Variants in CCN4 observed in about 807,000 individuals in gnomAD.
CCN4 encodes CCN family member 4.
Under a neutral mutation model 36.7 loss-of-function variants are expected in CCN4, and 30 were observed. The observed-to-expected ratio is 0.82, with a 90% CI of 0.61 to 1.11. CCN4 has a LOEUF of 1.11. Ranked by LOEUF, CCN4 falls within the 50% of genes least tolerant of loss-of-function variation. The pLI is 0.00. For synonymous variants in CCN4, 191 were observed against 195.4 expected (o/e 0.98, Z 0.19); for missense variants, 505 against 504.9 (o/e 1.00, Z 0.00).
chr8:133,217,485 C>T (rs1854361240), intron 2 of CCN4, among the ~76,000 whole-genome samples: 1 of 152,220 alleles, frequency 6.6e-6, no homozygotes, highest in African/African-American at 2.4e-5. Flanking sequence ...CAACTGTCTT[C>T]ACCATCTCGC....
chr8:133,227,399 C>A lies in CCN4; in HGVS notation c.805-12C>A. 6.3e-7 allele frequency: 1 copy of A among 1,599,700 alleles called. No homozygotes were observed. Among genetic ancestry groups the A allele is most frequent in the Non-Finnish European group, 8.5e-7 (1 of 1,172,012 alleles). On this transcript the variant is annotated splice_polypyrimidine_tract_variant and intron_variant, in intron 4 of 4. Transcript: ENST00000250160. Reference sequence around the variant, plus strand: ...GAGCACTCCCACTGAAAGCTCCTTTCCTTTCCTTCAGGCAGGGAAGAAGTG... The same window carrying A: ...GAGCACTCCCACTGAAAGCTCCTTTACTTTCCTTCAGGCAGGGAAGAAGTG...
chr8:133,215,978 T>C (rs886737071), intron 2 of CCN4, among the ~76,000 whole-genome samples: 12 of 145,206 alleles, frequency 8.3e-5, no homozygotes, highest in African/African-American at 3.0e-4. Context: ...TACCCACCCA[T>C]TACACTACAC....
chr8:133,209,671 C>G (rs1407472018), intron 1 of CCN4, among the ~76,000 whole-genome samples: 1 of 152,158 alleles, frequency 6.6e-6, no homozygotes, highest in South Asian at 2.1e-4. Context: ...AGTGGGATAC[C>G]CACCCGGTTC....
chr8:133,228,992 T>C lies in CCN4; in HGVS notation c.*1282T>C, dbSNP rs1281315451. 10 of 152,236 alleles carry C rather than the reference T, an allele frequency of 6.6e-5. No homozygotes were observed. The highest frequency in any genetic ancestry group is 2.4e-4 in the African/African-American group (10 of 41,458). The allele number at this position is 152,236 out of a possible 1,614,324, so 9.4% of individuals were successfully genotyped here. A position where few individuals can be genotyped will look rare whatever the true frequency, so the allele number is the denominator to read the frequency against. ...TTGTTAATGAATATCAGGCTATTAT[T>C]TATTGTATTAGGAAAATATAATATT... is the stretch of plus-strand genomic sequence containing the variant. On this transcript the variant is annotated 3_prime_UTR_variant, in exon 5 of 5. Transcript: ENST00000250160.
At chr8:133,206,701 A>G (rs1223880196) in intron 1 of CCN4, among the ~76,000 whole-genome samples, 2 of 152,098 alleles carry the variant, frequency 1.3e-5, no homozygotes, top group Non-Finnish European at 2.9e-5. Context: ...TGCTCAGGGG[A>G]TGAGCTGCCT....
At chr8:133,227,064 G>C (rs780059962) in intron 4 of CCN4, among the ~76,000 whole-genome samples, 5 of 152,196 alleles carry the variant, frequency 3.3e-5, no homozygotes, top group Non-Finnish European at 7.3e-5. Flanking sequence ...AGCTAGCCAG[G>C]GGAACTTGCT....
At chr8:133,201,335 A>G (rs1449679088) in intron 1 of CCN4, among the ~76,000 whole-genome samples, 2 of 152,224 alleles carry the variant, frequency 1.3e-5, no homozygotes, top group Non-Finnish European at 2.9e-5. Context: ...TGATTCAAAG[A>G]AACCATCTGT....
chr8:133,225,663 G>A (rs1163788428), intron 4 of CCN4, 80 bp downstream of exon 4: 10 of 1,361,324 alleles, frequency 7.3e-6, no homozygotes, highest in East Asian at 2.5e-5. Context: ...GAACTTCCTC[G>A]TGGGGAGCAT....
intron 1 of CCN4, among the ~76,000 whole-genome samples, chr8:133,200,754 G>C (rs1853559947): frequency 6.6e-6 from 1 of 152,132 alleles, no homozygotes; most frequent in African/African-American, 2.4e-5. Context: ...ACTGACTTCA[G>C]GAAAGACCAC....
rs545879099 is a variant in CCN4, at chr8:133,227,851, A to G, written c.*141A>G. The G allele has an allele frequency of 2.3e-6, 2 of 883,862 alleles. No individual in the cohort carries two copies. Among genetic ancestry groups the G allele is most frequent in the African/African-American group, 1.7e-5 (1 of 59,156 alleles). The allele number at this position is 883,862 out of a possible 1,614,324, so 54.8% of individuals were successfully genotyped here. ...TCCATTTCTGTCTCTAACCATTCAAATGACGCCTGATGGTGCTGCTCAGGC... is the reference window on the plus strand; with the variant it reads ...TCCATTTCTGTCTCTAACCATTCAAGTGACGCCTGATGGTGCTGCTCAGGC... On this transcript the variant is annotated 3_prime_UTR_variant, in exon 5 of 5. Transcript: ENST00000250160.
chr8:133,220,748 G>C lies in CCN4; in HGVS notation c.517G>C (p.Val173Leu). The change falls in exon 3 of 5, where the codon GTG (valine) becomes CTG (leucine). Residue 173 changes from valine to leucine, a missense_variant. Coordinates refer to ENST00000250160, the MANE Select transcript of CCN4 (RefSeq NM_003882.4). ...TCTCTGGTGCCCCCACCCGCGGCGC[G>C]TGAGCATACCTGGCCACTGCTGTGA... ...PRLWCPHPRR[V>L]SIPGHCCEQW... 6.2e-7 allele frequency: 1 copy of C among 1,613,500 alleles called. No homozygotes were observed. Among genetic ancestry groups the C allele is most frequent in the Non-Finnish European group, 8.5e-7 (1 of 1,179,970 alleles).
chr8:133,212,825 T>A (rs10089461), intron 1 of CCN4, 39 bp from the exon 2 acceptor site: 1 of 1,468,364 alleles, frequency 6.8e-7, no homozygotes, highest in Non-Finnish European at 9.2e-7. Flanking sequence ...GAAACCCCTG[T>A]CTCAGCAGCC....
In CCN4 at chr8:133,202,214, C is replaced by T. The variant is rs552460973; in HGVS notation, c.70-10650C>T. Among the ~76,000 whole-genome samples the T allele has an allele frequency of 3.3e-5, 5 of 152,266 alleles. No homozygotes were observed. The South Asian group carries it at 8.3e-4, about 25-fold the overall frequency. On this transcript the variant is annotated intron_variant, in intron 1 of 4. Transcript: ENST00000250160. The stretch of plus-strand genomic sequence containing the variant: ...GGAGAAAACCAAAAGGAGTAGCTCC[C>T]GATGAAAAGACCCTTAAGTTCTTCA...
rs4265166 is a variant in CCN4, at chr8:133,228,843, C to G, written c.*1133C>G. 0.075 allele frequency: 11,361 copies of G among 152,138 alleles called. 859 individuals are homozygous for G. The highest frequency in any genetic ancestry group is 0.19 in the African/African-American group (7,998 of 41,438). The allele number at this position is 152,138 out of a possible 1,614,324, so 9.4% of individuals were successfully genotyped here. On this transcript the variant is annotated 3_prime_UTR_variant, in exon 5 of 5. Coordinates refer to ENST00000250160, the MANE Select transcript of CCN4 (RefSeq NM_003882.4). Reference sequence around the variant, plus strand: ...TGCAGAGACTCATTTCACAGCCTTTCGTTCTGCTGACCAAATGGCCAGTTT... The same window carrying G: ...TGCAGAGACTCATTTCACAGCCTTTGGTTCTGCTGACCAAATGGCCAGTTT...
At chr8:133,209,179 T>A (rs1262628995) in intron 1 of CCN4, among the ~76,000 whole-genome samples, 1 of 152,210 alleles carries the variant, frequency 6.6e-6, no homozygotes, top group East Asian at 1.9e-4. Flanking sequence ...AGTCATCTGC[T>A]TTCCCTCGTG....
At chr8:133,213,982 G>GTTATATATACTATATATAACTATATA (rs1491437206) in intron 2 of CCN4, among the ~76,000 whole-genome samples, 22 of 1,388 alleles carry the variant, frequency 0.016, no homozygotes, top group Non-Finnish European at 0.035. Context: ...ACTATATATA[G>GTTATATATACTATATATAACTATATA]TAGTTATATA....
In CCN4 at chr8:133,227,712, C is replaced by T. The variant is rs192420341; in HGVS notation, c.*2C>T. 22 of 1,610,598 alleles carry T rather than the reference C, an allele frequency of 1.4e-5. No homozygotes were observed. In the Admixed American group the frequency reaches 2.7e-4, roughly 20 times the overall value. On this transcript the variant is annotated 3_prime_UTR_variant, in exon 5 of 5. Coordinates refer to ENST00000250160, the MANE Select transcript of CCN4 (RefSeq NM_003882.4). ...GACTTCTCAGAAATTGCCAACTAGG[C>T]AGGCACAAATCTTGGGTCTTGGGGA...
At chr8:133,201,346 T>TA (rs369438703) in intron 1 of CCN4, among the ~76,000 whole-genome samples, 4 of 152,076 alleles carry the variant, frequency 2.6e-5, no homozygotes, top group African/African-American at 7.2e-5. Context: ...AACCATCTGT[T>TA]AAAAAAAATT....
intron 1 of CCN4, among the ~76,000 whole-genome samples, chr8:133,210,593 C>A (rs1853982113): frequency 6.6e-6 from 1 of 152,140 alleles, no homozygotes; most frequent in African/African-American, 2.4e-5. Context: ...CCCACAGAGC[C>A]TTCCTCCCTG....
Sources: allele counts gnomAD v4.1 joint callset (sites outside exome capture counted in the v4.1 genomes callset), GRCh38; gene constraint gnomAD v4.1.1; transcripts MANE v1.5; gene names NCBI Gene and HGNC (gene_info 2026-07-23, HGNC 2026-07-21).